LRRC4C: variants seen among roughly 807,000 people sequenced by gnomAD.
LRRC4C encodes leucine-rich repeat-containing protein 4C.
In LRRC4C, 5 loss-of-function variants were observed where a neutral mutation model predicts 33.6. The observed-to-expected ratio is 0.15, with a 90% CI of 0.08 to 0.31. The LOEUF (loss-of-function observed/expected upper bound fraction) is 0.31, where lower values mean the gene tolerates loss of function less well. Among genes scored for constraint, LRRC4C ranks in the 10% least tolerant of loss-of-function variants. The probability of loss-of-function intolerance (pLI) is 1.00; values close to 1 mark genes in which losing one functional copy is unlikely to be tolerated. For missense variants in LRRC4C, 560 were observed against 796.7 expected (o/e 0.70, Z 3.58); for synonymous variants, 329 against 302.0 (o/e 1.09, Z -0.93).
chr11:40,497,131 C>T (rs551890317), intron 3 of LRRC4C, among the ~76,000 whole-genome samples: 3 of 152,174 alleles, frequency 2.0e-5, no homozygotes, highest in South Asian at 4.2e-4. Flanking sequence ...TATTGGTGGG[C>T]GCAGTGGCTC....
intron 1 of LRRC4C, among the ~76,000 whole-genome samples, chr11:41,124,530 A>C (rs527499659): frequency 6.6e-6 from 1 of 152,284 alleles, no homozygotes; most frequent in South Asian, 2.1e-4. Context: ...TAGAAGTAAA[A>C]ATTCCTATAT....
intron 2 of LRRC4C, among the ~76,000 whole-genome samples, chr11:40,926,094 G>A (rs1351529356): frequency 6.6e-6 from 1 of 151,730 alleles, no homozygotes; most frequent in Non-Finnish European, 1.5e-5. Context: ...TTAATCAGCA[G>A]AAATCCTAAG....
chr11:41,440,660 C>A (rs974217144), intron 1 of LRRC4C, among the ~76,000 whole-genome samples: 2 of 151,996 alleles, frequency 1.3e-5, no homozygotes, highest in Non-Finnish European at 2.9e-5. Flanking sequence ...AAATTGTAAT[C>A]CCCATGTGTC....
chr11:40,545,605 C>A (rs1344840953), intron 3 of LRRC4C, among the ~76,000 whole-genome samples: 7 of 151,902 alleles, frequency 4.6e-5, no homozygotes, highest in Non-Finnish European at 7.4e-5. Flanking sequence ...AGGAAGACCC[C>A]TCTATTGCTG....
At chr11:40,436,500 C>A (rs1951145372) in intron 3 of LRRC4C, among the ~76,000 whole-genome samples, 1 of 152,140 alleles carries the variant, frequency 6.6e-6, no homozygotes, top group Non-Finnish European at 1.5e-5. Context: ...TCTAGGCATA[C>A]AAAGTTGGCA....
At chr11:40,645,730 A>T (rs1189794730) in intron 3 of LRRC4C, among the ~76,000 whole-genome samples, 1 of 152,140 alleles carries the variant, frequency 6.6e-6, no homozygotes, top group Non-Finnish European at 1.5e-5. Flanking sequence ...ACACTGGCTG[A>T]GTACCATCCC....
intron 1 of LRRC4C, among the ~76,000 whole-genome samples, chr11:41,130,123 G>T (rs1942944720): frequency 6.6e-6 from 1 of 151,864 alleles, no homozygotes; most frequent in Non-Finnish European, 1.5e-5. Context: ...CCTCCTTACT[G>T]CTCATTCCTC....
chr11:41,375,214 G>A (rs899979657), intron 1 of LRRC4C, among the ~76,000 whole-genome samples: 1 of 151,996 alleles, frequency 6.6e-6, no homozygotes, highest in East Asian at 1.9e-4. Context: ...GTGTGACAGG[G>A]TTAAACATTA....
At chr11:40,857,908 C>G (rs1464692039) in intron 2 of LRRC4C, among the ~76,000 whole-genome samples, 6 of 141,906 alleles carry the variant, frequency 4.2e-5, no homozygotes, top group African/African-American at 1.6e-4. Flanking sequence ...GAGTAAGATC[C>G]TACCAAAAAA....
chr11:40,429,746 A>T (rs1950848633), intron 3 of LRRC4C, among the ~76,000 whole-genome samples: 1 of 152,144 alleles, frequency 6.6e-6, no homozygotes, highest in Non-Finnish European at 1.5e-5. Context: ...GATAAGAAAA[A>T]GTTTATAGAA....
chr11:40,942,923 T>C (rs1234780206), intron 1 of LRRC4C, among the ~76,000 whole-genome samples: 1 of 152,148 alleles, frequency 6.6e-6, no homozygotes, highest in Non-Finnish European at 1.5e-5. Flanking sequence ...ACTTTCTATG[T>C]CAGCAATTAC....
intron 5 of LRRC4C, among the ~76,000 whole-genome samples, chr11:40,192,318 C>T (rs550755491): frequency 5.3e-5 from 8 of 152,056 alleles, no homozygotes; most frequent in East Asian, 2.0e-4. Context: ...CCACAGAGGG[C>T]GAGCAGAAGC....
At chr11:40,964,815 G>A (rs1311494100) in intron 1 of LRRC4C, among the ~76,000 whole-genome samples, 1 of 151,678 alleles carries the variant, frequency 6.6e-6, no homozygotes, top group Non-Finnish European at 1.5e-5. Context: ...ATTGTGAATA[G>A]TGCCACAATA....
intron 4 of LRRC4C, among the ~76,000 whole-genome samples, chr11:40,273,913 A>T (rs1026878169): frequency 6.6e-6 from 1 of 152,122 alleles, no homozygotes; most frequent in African/African-American, 2.4e-5. Flanking sequence ...TCTGGTAGAA[A>T]CAAGGTGAGG....
intron 5 of LRRC4C, among the ~76,000 whole-genome samples, chr11:40,175,716 C>A (rs1269231866): frequency 2.0e-5 from 3 of 152,178 alleles, no homozygotes; most frequent in African/African-American, 4.8e-5. Flanking sequence ...TCCCTTAAAG[C>A]CTCCAGAACA....
intron 2 of LRRC4C, among the ~76,000 whole-genome samples, chr11:40,931,628 T>C (rs1163305172): frequency 6.6e-6 from 1 of 152,044 alleles, no homozygotes; most frequent in African/African-American, 2.4e-5. Flanking sequence ...TTGATCATAA[T>C]GCACTAAAGT....
At chr11:40,831,596 A>T (rs185164852) in intron 2 of LRRC4C, among the ~76,000 whole-genome samples, 24 of 152,300 alleles carry the variant, frequency 1.6e-4, no homozygotes, top group Admixed American at 1.4e-3. Flanking sequence ...GTTCATTTTC[A>T]TACTGCTATG....
At chr11:41,442,500 T>C (rs1433740758) in intron 1 of LRRC4C, among the ~76,000 whole-genome samples, 2 of 128,430 alleles carry the variant, frequency 1.6e-5, no homozygotes, top group Non-Finnish European at 1.6e-5. Context: ...GACAGAGTCT[T>C]GCTCTGTCGC....
intron 4 of LRRC4C, among the ~76,000 whole-genome samples, chr11:40,242,198 G>T (rs1285023280): frequency 1.3e-5 from 2 of 151,972 alleles, no homozygotes; most frequent in African/African-American, 2.4e-5. Flanking sequence ...TTTTCTTATT[G>T]CATTACAATT....
Sources: gnomAD v4.1 joint callset for allele counts (sites outside exome capture counted in the v4.1 genomes callset) on GRCh38, gnomAD v4.1.1 for gene constraint, MANE v1.5 for transcripts, NCBI Gene and HGNC (gene_info 2026-07-23, HGNC 2026-07-21) for gene names.